The following EXOC2 variants were observed in gnomAD, a reference collection of about 807,000 sequenced individuals.
The protein encoded by EXOC2 is exocyst complex component 2.
EXOC2 carries 70 observed loss-of-function variants against 131.8 expected under a neutral mutation model. The observed-to-expected ratio is 0.53, with a 90% CI of 0.44 to 0.65. EXOC2 has a LOEUF of 0.65. Ranked by LOEUF, EXOC2 falls within the 30% of genes least tolerant of loss-of-function variation. The pLI, the probability that EXOC2 is intolerant of heterozygous loss-of-function variation, is 0.00. For synonymous variants in EXOC2, 411 were observed against 398.4 expected, an observed-to-expected ratio of 1.03 and a Z score of -0.38; for missense variants, 923 against 1,108.6, an observed-to-expected ratio of 0.83 and a Z score of 2.38.
intron 1 of EXOC2, among the ~76,000 whole-genome samples, chr6:674,239 A>G (rs1764007272): frequency 1.3e-5 from 2 of 152,214 alleles, no homozygotes; most frequent in African/African-American, 4.8e-5. Flanking sequence ...ATTACAGAAC[A>G]AGTGTTGGTT....
intron 12 of EXOC2, among the ~76,000 whole-genome samples, chr6:574,829 G>C (rs762528846): frequency 2.6e-5 from 4 of 152,252 alleles, no homozygotes; most frequent in Non-Finnish European, 4.4e-5. Context: ...ATGGTAATCT[G>C]AGGTGAGTGG....
intron 21 of EXOC2, among the ~76,000 whole-genome samples, chr6:551,352 C>T (rs2476846): frequency 0.4 from 60,664 of 151,930 alleles, 12,820 homozygotes; most frequent in African/African-American, 0.5. Context: ...CTAAGAAGAT[C>T]GCACCAAATC....
chr6:671,946 C>A (rs572930940), intron 1 of EXOC2, among the ~76,000 whole-genome samples: 1 of 151,732 alleles, frequency 6.6e-6, no homozygotes. Flanking sequence ...ACTTGCTTGC[C>A]TACTGTTCTC....
intron 23 of EXOC2, among the ~76,000 whole-genome samples, chr6:514,793 C>T (rs548893570): frequency 6.6e-6 from 1 of 152,224 alleles, no homozygotes; most frequent in East Asian, 1.9e-4. Context: ...AGAGAACCAG[C>T]AGGCAGGCCC....
chr6:574,661 AT>A (rs1172820570), intron 12 of EXOC2, among the ~76,000 whole-genome samples: 2 of 152,172 alleles, frequency 1.3e-5, no homozygotes, highest in Admixed American at 6.5e-5. Context: ...GTAAACTTTT[AT>A]TTTTCATTCA....
intron 6 of EXOC2, among the ~76,000 whole-genome samples, chr6:612,682 G>A (rs1021646639): frequency 5.3e-5 from 8 of 152,138 alleles, no homozygotes; most frequent in Non-Finnish European, 1.2e-4. Flanking sequence ...ACTAACAACA[G>A]AATGTGTCAA....
At chr6:574,566 T>C (rs548009335) in intron 12 of EXOC2, among the ~76,000 whole-genome samples, 1 of 152,338 alleles carries the variant, frequency 6.6e-6, no homozygotes, top group South Asian at 2.1e-4. Flanking sequence ...TATTAGCCCT[T>C]TGTCTATGCT....
intron 23 of EXOC2, among the ~76,000 whole-genome samples, chr6:505,998 C>T (rs1016234171): frequency 3.3e-5 from 5 of 152,184 alleles, no homozygotes; most frequent in East Asian, 3.8e-4. Context: ...AATATATCTG[C>T]GTCATCTACT....
At chr6:575,430 A>G (rs898697968) in intron 12 of EXOC2, among the ~76,000 whole-genome samples, 3 of 103,218 alleles carry the variant, frequency 2.9e-5, no homozygotes, top group Non-Finnish European at 6.8e-5. Flanking sequence ...GGGTTAAAAG[A>G]GCCTGGCATC....
chr6:562,963 G>C (rs1473149893), intron 16 of EXOC2, 118 bp from the exon 17 acceptor site: 5 of 599,856 alleles, frequency 8.3e-6, no homozygotes, highest in Non-Finnish European at 7.8e-6. Context: ...GTAAAAACTC[G>C]ATGAAAGTAG....
At chr6:529,359 C>A (rs966674632) in intron 23 of EXOC2, among the ~76,000 whole-genome samples, 2 of 152,082 alleles carry the variant, frequency 1.3e-5, no homozygotes, top group Admixed American at 1.3e-4. Flanking sequence ...ACTAAAGATG[C>A]CTCGCTGTTT....
chr6:660,276 T>C (rs1261220794), intron 1 of EXOC2, among the ~76,000 whole-genome samples: 2 of 143,458 alleles, frequency 1.4e-5, no homozygotes, highest in East Asian at 2.1e-4. Flanking sequence ...TGCCAGTCCC[T>C]CTCCACACTA....
intron 1 of EXOC2, among the ~76,000 whole-genome samples, chr6:655,282 G>C (rs911388254): frequency 3.3e-5 from 5 of 152,366 alleles, no homozygotes; most frequent in Non-Finnish European, 5.9e-5. Flanking sequence ...TGAGGGCTCA[G>C]ATGAGCAGCA....
intron 27 of EXOC2, among the ~76,000 whole-genome samples, chr6:487,953 CTG>C (rs1460655364): frequency 6.6e-5 from 10 of 152,192 alleles, no homozygotes; most frequent in Non-Finnish European, 1.5e-4. Context: ...GTAGCAGTGA[CTG>C]TTTCAATCTT....
chr6:560,397 G>A (rs1003810210), intron 17 of EXOC2, among the ~76,000 whole-genome samples: 48 of 152,332 alleles, frequency 3.2e-4, no homozygotes, highest in African/African-American at 1.1e-3. Flanking sequence ...GGTGTATAAT[G>A]TTAGCCACAA....
At chr6:683,786 G>A (rs773806932) in intron 1 of EXOC2, among the ~76,000 whole-genome samples, 29 of 152,112 alleles carry the variant, frequency 1.9e-4, no homozygotes, top group Non-Finnish European at 3.5e-4. Context: ...GAAGCTTCTC[G>A]AAGGCCATAA....
At chr6:597,040 C>T (rs1038143449) in intron 10 of EXOC2, among the ~76,000 whole-genome samples, 6 of 152,178 alleles carry the variant, frequency 3.9e-5, no homozygotes, top group African/African-American at 9.7e-5. Flanking sequence ...TTACCATGTC[C>T]ATTTCAGATG....
intron 1 of EXOC2, among the ~76,000 whole-genome samples, chr6:677,934 T>TCTCACACA (rs111239666): frequency 0.036 from 5,336 of 147,242 alleles, 142 homozygotes; most frequent in Admixed American, 0.078. Context: ...TTATAATCTC[T>TCTCACACA]CACACACACA....
chr6:496,604 GCTTT>G (rs1295874744), intron 25 of EXOC2, among the ~76,000 whole-genome samples: 1 of 152,114 alleles, frequency 6.6e-6, no homozygotes, highest in Non-Finnish European at 1.5e-5. Context: ...CCTGGACCTG[GCTTT>G]AGGTTAAAAT....
Sources: gnomAD v4.1 joint callset for allele counts (sites outside exome capture counted in the v4.1 genomes callset) on GRCh38, gnomAD v4.1.1 for gene constraint, MANE v1.5 for transcripts, NCBI Gene and HGNC (gene_info 2026-07-23, HGNC 2026-07-21) for gene names.